PCDHGA4: variants seen among roughly 807,000 people sequenced by gnomAD.
PCDHGA4 encodes the protein protocadherin gamma-A4.
PCDHGA4 carries 38 observed loss-of-function variants against 54.6 expected under a neutral mutation model. The observed-to-expected ratio is 0.70, with a 90% confidence interval of 0.54 to 0.91. The LOEUF is 0.91. PCDHGA4 is among the 40% of genes least tolerant of loss of function. The pLI is 0.00. For missense variants in PCDHGA4, 1,298 were observed against 1,220.9 expected (o/e 1.06, Z -0.94); for synonymous variants, 511 against 512.9 (o/e 1.00, Z 0.05).
chr5:141,508,451 C>T (rs1245251907), intron 3 of PCDHGA4, among the ~76,000 whole-genome samples: 1 of 152,180 alleles, frequency 6.6e-6, no homozygotes, highest in Admixed American at 6.5e-5. Flanking sequence ...AGTGGCAGAG[C>T]AGAGCAAATA....
intron 1 of PCDHGA4, chr5:141,367,429 C>T (rs1303829786): frequency 6.6e-6 from 1 of 152,054 alleles, no homozygotes; most frequent in Non-Finnish European, 1.5e-5. Context: ...CCCAGCTACT[C>T]GGAAGGCTGA....
Position 141,432,201 on chromosome 5 carries a change from G to T in PCDHGA4, c.2515-62606G>T, listed in dbSNP as rs761075658. On this transcript the variant is annotated intron_variant, in intron 1 of 3. Transcript: ENST00000571252. This position sits in a 1 kb window ranked among gnomAD's most constrained non-coding sequence, Gnocchi z 6.0. ...TCTGTGACCGCCCACGACCCCGACT[G>T]TGAAGAGAACGCCCAGATCACTTAT... 1.8e-5 allele frequency: 29 copies of T among 1,614,092 alleles called. No homozygotes were observed. The South Asian group carries it at 2.9e-4, about 16-fold the overall frequency.
At chr5:141,495,779 C>A (rs529564820) in intron 2 of PCDHGA4, among the ~76,000 whole-genome samples, 53 of 152,094 alleles carry the variant, frequency 3.5e-4, no homozygotes, top group Non-Finnish European at 4.6e-4. Flanking sequence ...TCCTGGACCT[C>A]TTTTCTGTTT....
intron 1 of PCDHGA4, among the ~76,000 whole-genome samples, chr5:141,368,368 T>C (rs1463572003): frequency 6.6e-6 from 1 of 151,982 alleles, no homozygotes; most frequent in Non-Finnish European, 1.5e-5. Context: ...TATACACACA[T>C]ATATATACAC....
chr5:141,407,704 T>C (rs977444941), intron 1 of PCDHGA4, among the ~76,000 whole-genome samples: 5 of 152,144 alleles, frequency 3.3e-5, no homozygotes, highest in Admixed American at 1.3e-4. Context: ...TTGTTGAAGG[T>C]GGGGTGATGG....
chr5:141,412,027 C>T (rs1360599996), intron 1 of PCDHGA4: 1 of 152,086 alleles, frequency 6.6e-6, no homozygotes, highest in Non-Finnish European at 1.5e-5. Context: ...ATCCTGTTCT[C>T]TGTGTGAAAG....
At chr5:141,421,119 C>A (rs542039688) in intron 1 of PCDHGA4, 2 of 772,768 alleles carry the variant, frequency 2.6e-6, no homozygotes, top group South Asian at 1.9e-5. Flanking sequence ...TATTTTCCTT[C>A]GCTTTCTGAT....
intron 1 of PCDHGA4, among the ~76,000 whole-genome samples, chr5:141,446,948 T>C (rs1166868490): frequency 6.6e-6 from 1 of 152,186 alleles, no homozygotes; most frequent in African/African-American, 2.4e-5. Context: ...GTAAGAAACA[T>C]CCAGCACCCA....
rs1346536726 is a variant in PCDHGA4 at position 141,375,203 on chromosome 5, C to A, written c.2514+17582C>A. 10 of 1,613,794 alleles carry A rather than the reference C, an allele frequency of 6.2e-6. No individual in the cohort carries two copies. In the Admixed American group the frequency reaches 1.3e-4, roughly 22 times the overall value. ...AATCGCCCTTTTTCAAGTGTTCGATCGAGACTCTGGCCTGAATGGCCTGGT... is the reference window on the plus strand; with the variant it reads ...AATCGCCCTTTTTCAAGTGTTCGATAGAGACTCTGGCCTGAATGGCCTGGT... On this transcript the variant is annotated intron_variant, in intron 1 of 3. Transcript: ENST00000571252.
rs13178808 is a variant in PCDHGA4 at position 141,491,920 on chromosome 5, G to A, written c.2515-2887G>A. 1.2e-4 allele frequency: 164 copies of A among 1,356,270 alleles called. No individual in the cohort carries two copies. Among genetic ancestry groups the A allele is most frequent in the Non-Finnish European group, 1.5e-4 (155 of 1,015,194 alleles). The allele number at this position is 1,356,270 out of a possible 1,614,324, so 84.0% of individuals were successfully genotyped here. On this transcript the variant is annotated intron_variant, in intron 1 of 3. Transcript: ENST00000571252. This position sits in a 1 kb window ranked among gnomAD's most constrained non-coding sequence, Gnocchi z 6.9. ...ACCGGGGGTGGTGGCGACTGTGGGC[G>A]AGGGGAGGTGGGACCGACCCCCACC...
rs773303808 is a variant in PCDHGA4, at chr5:141,362,539, T to G, written c.2514+4918T>G. 6 of 1,613,828 alleles carry G rather than the reference T, an allele frequency of 3.7e-6. No homozygotes were observed. The Admixed American group carries it at 1.0e-4, about 27-fold the overall frequency. Reference sequence around the variant, plus strand: ...TGGAGCCGCTGGGGTCCCTTTTGCCTCAGATACTATTTTGAAGGTGAGCTT... The same window carrying G: ...TGGAGCCGCTGGGGTCCCTTTTGCCGCAGATACTATTTTGAAGGTGAGCTT... On this transcript the variant is annotated intron_variant, in intron 1 of 3. Transcript: ENST00000571252.
intron 2 of PCDHGA4, among the ~76,000 whole-genome samples, chr5:141,496,335 C>G (rs2099768099): frequency 1.3e-5 from 2 of 152,204 alleles, no homozygotes; most frequent in Admixed American, 6.5e-5. Flanking sequence ...AAGTCAGGAG[C>G]CTGGAGGAGT....
At position 141,415,266 on chromosome 5, in the gene PCDHGA4, G is replaced by C. The variant is rs371754316; in HGVS notation, c.2514+57645G>C. 49 of 1,614,100 alleles carry C rather than the reference G, an allele frequency of 3.0e-5. No individual in the cohort carries two copies. The African/African-American group carries it at 6.4e-4, about 21-fold the overall frequency. On this transcript the variant is annotated intron_variant, in intron 1 of 3. Transcript: ENST00000571252. ...AAACCTCAGACCTCACTCTGTACCT[G>C]GTGGTAGCGGTGGCCGCGGTCTCCT...
chr5:141,419,945 T>C (rs2096451536), intron 1 of PCDHGA4: 4 of 1,614,088 alleles, frequency 2.5e-6, no homozygotes, highest in Middle Eastern at 1.6e-4. Context: ...GGTGGTGGCC[T>C]TGGCCTTGAT....
rs781267293 is a variant in PCDHGA4 at position 141,489,926 on chromosome 5, C to T, written c.2515-4881C>T. 1.2e-6 allele frequency: 2 copies of T among 1,614,222 alleles called. No individual in the cohort carries two copies. The highest frequency in any genetic ancestry group is 2.2e-5 in the East Asian group (1 of 44,878). On this transcript the variant is annotated intron_variant, in intron 1 of 3. Coordinates refer to ENST00000571252, the MANE Select transcript of PCDHGA4 (RefSeq NM_018917.4). The surrounding 1 kb of genome is among the most constrained non-coding windows in gnomAD (Gnocchi z 4.5). Reference sequence around the variant, plus strand: ...GCCCGCTCAGGGACCACCCTTATCTCTGTCATCGTGCTGGACATCAATGAT... The same window carrying T: ...GCCCGCTCAGGGACCACCCTTATCTTTGTCATCGTGCTGGACATCAATGAT...
chr5:141,432,049 G>T lies in PCDHGA4; in HGVS notation c.2515-62758G>T. The T allele has an allele frequency of 7.4e-6, 12 of 1,614,150 alleles. No individual in the cohort carries two copies. Among genetic ancestry groups the T allele is most frequent in the Non-Finnish European group, 1.0e-5 (12 of 1,180,028 alleles). Reference sequence around the variant, plus strand: ...TGACCGCCACTGACCGGGGAACCCCGCCCCTATCCACGGAAACTCATATCT... The same window carrying T: ...TGACCGCCACTGACCGGGGAACCCCTCCCCTATCCACGGAAACTCATATCT... On this transcript the variant is annotated intron_variant, in intron 1 of 3. Coordinates refer to ENST00000571252, the MANE Select transcript of PCDHGA4 (RefSeq NM_018917.4). The surrounding 1 kb of genome is among the most constrained non-coding windows in gnomAD (Gnocchi z 6.0).
rs1239209097 is a variant in PCDHGA4, at chr5:141,357,257, A to G, written c.2150A>G (p.Asp717Gly). ...GSLKPSADPD[D>G]SGLTLYLVVA... ...CTCAAGCCTTCAGCAGACCCAGACGACTCGGGCCTCACACTCTATCTCGTG... is the reference window on the plus strand; with the variant it reads ...CTCAAGCCTTCAGCAGACCCAGACGGCTCGGGCCTCACACTCTATCTCGTG... Residue 717 changes from aspartate (D) to glycine (G), a missense_variant, in exon 1 of 4, where the codon GAC (aspartate) becomes GGC (glycine). Physicochemically the swap from Asp to Gly is moderately conservative, Grantham distance 94 (BLOSUM62 -1). Transcript: ENST00000571252. 1 of 1,612,430 alleles carries G rather than the reference A, an allele frequency of 6.2e-7. No individual in the cohort carries two copies. The highest frequency in any genetic ancestry group is 8.5e-7 in the Non-Finnish European group (1 of 1,179,418).
intron 1 of PCDHGA4, among the ~76,000 whole-genome samples, chr5:141,464,525 A>G (rs919668801): frequency 3.3e-5 from 5 of 152,064 alleles, no homozygotes; most frequent in Non-Finnish European, 5.9e-5. Context: ...AGGCATATGT[A>G]GTTTTGTTAA....
chr5:141,375,184 C>A (rs757225197), intron 1 of PCDHGA4: 23 of 1,613,856 alleles, frequency 1.4e-5, no homozygotes, highest in Middle Eastern at 1.6e-4. Context: ...CAGTAATCGC[C>A]CTTTTTCAAG....
Sources: allele counts gnomAD v4.1 joint callset (sites outside exome capture counted in the v4.1 genomes callset), GRCh38; gene constraint gnomAD v4.1.1; non-coding constraint Gnocchi (gnomAD v3.1); transcripts MANE v1.5; gene names NCBI Gene and HGNC (gene_info 2026-07-23, HGNC 2026-07-21).